Variants in ARL5C observed in about 807,000 individuals in gnomAD.
The protein encoded by ARL5C is putative ADP-ribosylation factor-like protein 5C.
A neutral mutation model predicts 20.8 loss-of-function variants in ARL5C; 21 were observed. The observed-to-expected ratio is 1.01, with a 90% CI of 0.72 to 1.46. ARL5C has a LOEUF of 1.46. Among genes scored for constraint, ARL5C ranks in the 40% most tolerant of loss-of-function variants. The pLI is 0.00. For missense variants in ARL5C, 199 were observed against 225.1 expected, an observed-to-expected ratio of 0.88 and a Z score of 0.74; for synonymous variants, 71 against 81.6, an observed-to-expected ratio of 0.87 and a Z score of 0.70.
chr17:39,160,668 G>A lies in ARL5C; in HGVS notation c.414C>T (p.Ile138=), dbSNP rs755686383. ...DVKDSMRMVE[I]SHFLTLSTIK... ...TGGTGCTGAGAGTAAGGAAATGGGA[G>A]ATCTCCACCATCCTCATGGAGTCCT... The change falls in exon 5 of 6, where the codon ATC becomes ATT. Residue 138 remains isoleucine (I), a synonymous_variant. Coordinates refer to ENST00000269586, the MANE Select transcript of ARL5C (RefSeq NM_001143968.1). 9.7e-6 allele frequency: 15 copies of A among 1,551,750 alleles called. 1 individual carries two copies. In the Middle Eastern group the frequency reaches 5.0e-4, roughly 52 times the overall value.
At chr17:39,162,433 T>C (rs946559922) in intron 3 of ARL5C, among the ~76,000 whole-genome samples, 86 of 152,220 alleles carry the variant, frequency 5.6e-4, no homozygotes, top group African/African-American at 1.9e-3. Context: ...CCCGAGTAGC[T>C]GGGATTACAG....
intron 5 of ARL5C, among the ~76,000 whole-genome samples, chr17:39,159,609 C>G (rs1285756805): frequency 6.6e-6 from 1 of 152,046 alleles, no homozygotes; most frequent in South Asian, 2.1e-4. Flanking sequence ...CATTTTCTAA[C>G]TGACTATATA....
At chr17:39,161,467 G>A in intron 3 of ARL5C, 116 bp from the exon 4 acceptor site, 1 of 876,732 alleles carries the variant, frequency 1.1e-6, no homozygotes, top group Non-Finnish European at 1.8e-6. Flanking sequence ...CCAGAGAAAT[G>A]AAAGCATGCA....
chr17:39,162,108 T>G (rs2045438022), intron 3 of ARL5C, among the ~76,000 whole-genome samples: 1 of 152,076 alleles, frequency 6.6e-6, no homozygotes, highest in Non-Finnish European at 1.5e-5. Flanking sequence ...AGTAAGAAAG[T>G]AAGGCCCCTA....
chr17:39,161,343 G>A lies in ARL5C; in HGVS notation c.264C>T (p.Ile88=), dbSNP rs531950163. The change falls in exon 4 of 6, where the codon ATC becomes ATT. Residue 88 remains isoleucine (I), a synonymous_variant. Coordinates refer to ENST00000269586, the MANE Select transcript of ARL5C (RefSeq NM_001143968.1). ...NTYYSNTEFI[I]LVIDSTDRDR... ...CCCGGTCCGTGCTGTCAATCACAAGGATGATAAACTGGGCAGCAGAGGGGA... is the reference window on the plus strand; with the variant it reads ...CCCGGTCCGTGCTGTCAATCACAAGAATGATAAACTGGGCAGCAGAGGGGA... 1.3e-6 allele frequency: 2 copies of A among 1,551,790 alleles called. No homozygotes were observed. The highest frequency in any genetic ancestry group is 1.4e-5 in the African/African-American group (1 of 73,022).
At chr17:39,163,345 C>CCATTCTTTCTTTCTTT (rs765643720) in intron 2 of ARL5C, among the ~76,000 whole-genome samples, 21 of 136,864 alleles carry the variant, frequency 1.5e-4, no homozygotes, top group African/African-American at 3.7e-4. Context: ...CAGGCTTTTG[C>CCATTCTTTCTTTCTTT]CTTTCTTTCT....
chr17:39,159,987 T>C (rs966628165), intron 5 of ARL5C, among the ~76,000 whole-genome samples: 12 of 152,182 alleles, frequency 7.9e-5, no homozygotes, highest in African/African-American at 2.9e-4. Context: ...CCTATCCTTC[T>C]CCCTTCCATT....
At position 39,166,059 on chromosome 17, in the gene ARL5C, G is replaced by C. The variant is rs955205771; in HGVS notation, c.-299C>G. 2.7e-5 allele frequency: 12 copies of C among 438,540 alleles called. No individual in the cohort carries two copies. The highest frequency in any genetic ancestry group is 6.5e-4 in the Middle Eastern group (1 of 1,542). 27.2% of individuals were successfully genotyped at this position (438,540 alleles called of 1,614,324 possible). On this transcript the variant is annotated 5_prime_UTR_variant, in exon 1 of 6. Transcript: ENST00000269586. ...CCTGCGAAAACTCCTGAGTTCTCCG[G>C]GTGGACTGCTCCACTACCGCAAATC...
At chr17:39,164,880 G>A (rs768314898) in intron 2 of ARL5C, 199 bp downstream of exon 2, 2 of 549,298 alleles carry the variant, frequency 3.6e-6, no homozygotes, top group Non-Finnish European at 6.5e-6. Flanking sequence ...TGGGAGCTAG[G>A]GTTGCCTGTA....
At chr17:39,165,206 C>T (rs950769780) in intron 1 of ARL5C, 67 bp from the exon 2 acceptor site, 52 of 1,475,702 alleles carry the variant, frequency 3.5e-5, no homozygotes, top group Admixed American at 1.6e-4. Flanking sequence ...TGTGCCCCCA[C>T]CAGACCTCCC....
chr17:39,161,421 T>C lies in ARL5C; in HGVS notation c.256-70A>G, dbSNP rs550918933. 8.0e-6 allele frequency: 11 copies of C among 1,370,010 alleles called. No homozygotes were observed. The African/African-American group carries it at 1.3e-4, about 16-fold the overall frequency. 84.9% of individuals were successfully genotyped at this position (1,370,010 alleles called of 1,614,324 possible). On this transcript the variant is annotated intron_variant, in intron 3 of 5. Transcript: ENST00000269586. ...TAAATGTGTTTCCTGCCCTCTTTCT[T>C]TCCCCACTGGTCTCTGCACTGCCCA... is the stretch of plus-strand genomic sequence containing the variant.
intron 1 of ARL5C, chr17:39,165,456 C>T (rs2045458106): frequency 5.1e-6 from 3 of 589,856 alleles, no homozygotes; most frequent in South Asian, 2.1e-5. Context: ...CTCGCAGCAG[C>T]CCCCCATCCC....
intron 1 of ARL5C, 38 bp from the exon 2 acceptor site, chr17:39,165,177 C>T: frequency 6.5e-7 from 1 of 1,548,694 alleles, no homozygotes; most frequent in Non-Finnish European, 8.7e-7. Flanking sequence ...CAGGGCCAAA[C>T]CCGAAGACCA....
chr17:39,164,915 C>G, intron 2 of ARL5C, 164 bp downstream of exon 2: 1 of 644,578 alleles, frequency 1.6e-6, no homozygotes, highest in African/African-American at 1.8e-5. Flanking sequence ...AATGCCAGAC[C>G]GAGGAGCCGC....
At chr17:39,159,929 A>G (rs1597667779) in intron 5 of ARL5C, among the ~76,000 whole-genome samples, 1 of 152,346 alleles carries the variant, frequency 6.6e-6, no homozygotes, top group Admixed American at 6.5e-5. Context: ...TCAGCTCAAA[A>G]GTCATCTCTT....
Position 39,166,036 on chromosome 17 carries a change from T to G in ARL5C, c.-276A>C. 1 of 483,476 alleles carries G rather than the reference T, an allele frequency of 2.1e-6. No individual in the cohort carries two copies. Among genetic ancestry groups the G allele is most frequent in the Non-Finnish European group, 3.8e-6 (1 of 265,948 alleles). The allele number at this position is 483,476 out of a possible 1,614,324, so 29.9% of individuals were successfully genotyped here. A position where few individuals can be genotyped will look rare whatever the true frequency, so the allele number is the denominator to read the frequency against. ...CAGGCTCCAGCCCTCCCCCTCGCCC[T>G]GCGAAAACTCCTGAGTTCTCCGGGT... On this transcript the variant is annotated 5_prime_UTR_variant, in exon 1 of 6. Transcript: ENST00000269586.
intron 1 of ARL5C, chr17:39,165,400 C>T: frequency 1.7e-6 from 1 of 588,386 alleles, no homozygotes; most frequent in South Asian, 2.1e-5. Flanking sequence ...TGCCAAGAGA[C>T]GGTGTTTAGA....
At chr17:39,158,528 G>T (rs575754122) in intron 5 of ARL5C, among the ~76,000 whole-genome samples, 1 of 151,744 alleles carries the variant, frequency 6.6e-6, no homozygotes, top group African/African-American at 2.4e-5. Context: ...TGGGAGGATC[G>T]CTTGAGCCCA....
At position 39,156,930 on chromosome 17, in the gene ARL5C, T is replaced by C; in HGVS notation, c.504A>G (p.Arg168=). Residue 168 remains arginine, a synonymous_variant, in exon 6 of 6, where the codon AGA becomes AGG. Coordinates refer to ENST00000269586, the MANE Select transcript of ARL5C (RefSeq NM_001143968.1). ...CGGCCTGAGATTCCATCCACTGAAGTCTGGCAGGCAGCCTGCAGGGAGGAA... is the reference window on the plus strand; with the variant it reads ...CGGCCTGAGATTCCATCCACTGAAGCCTGGCAGGCAGCCTGCAGGGAGGAA... ...CALTREGLPA[R]LQWMESQAAA... is the part of the protein sequence containing the mutation. The C allele has an allele frequency of 6.4e-7, 1 of 1,551,822 alleles. No individual in the cohort carries two copies. Among genetic ancestry groups the C allele is most frequent in the Non-Finnish European group, 8.7e-7 (1 of 1,146,960 alleles).
Sources: gnomAD v4.1 joint callset for allele counts (sites outside exome capture counted in the v4.1 genomes callset) on GRCh38, gnomAD v4.1.1 for gene constraint, MANE v1.5 for transcripts, NCBI Gene and HGNC (gene_info 2026-07-23, HGNC 2026-07-21) for gene names.